FANCL: variants seen among roughly 807,000 people sequenced by gnomAD.
The protein encoded by FANCL is FA complementation group L, also known as E3 ubiquitin-protein ligase FANCL.
A neutral mutation model predicts 59.4 loss-of-function variants in FANCL; 69 were observed. The observed-to-expected ratio is 1.16, with a 90% CI of 0.96 to 1.42. The LOEUF (loss-of-function observed/expected upper bound fraction) is 1.42. Among genes scored for constraint, FANCL ranks in the 40% most tolerant of loss-of-function variants. The pLI is 0.00. For missense variants in FANCL, 519 were observed against 447.2 expected, an observed-to-expected ratio of 1.16 and a Z score of -1.45; for synonymous variants, 180 against 147.1, an observed-to-expected ratio of 1.22 and a Z score of -1.62.
At position 58,226,898 on chromosome 2, in the gene FANCL, A is replaced by ATCTGAAAACTATAAGAAATGAAGTATCGG. The variant is rs1396104433; in HGVS notation, c.217-143_217-115dup. ...TGAAAAAAAGATTAGCTATATCTAC[A>ATCTGAAAACTATAAGAAATGAAGTATCGG]TCTGAAAACTATAAGAAATGAAGTA... On this transcript the variant is annotated intron_variant, in intron 3 of 13. Transcript: ENST00000233741. The ATCTGAAAACTATAAGAAATGAAGTATCGG allele has an allele frequency of 7.9e-5, 65 of 820,126 alleles. 1 individual carries two copies. The highest frequency in any genetic ancestry group is 1.2e-4 in the Non-Finnish European group (62 of 497,012). The allele number at this position is 820,126 out of a possible 1,614,324, so 50.8% of individuals were successfully genotyped here.
intron 5 of FANCL, among the ~76,000 whole-genome samples, chr2:58,217,226 A>ATG: frequency 2.5e-5 from 1 of 39,316 alleles, no homozygotes; most frequent in Middle Eastern, 0.016. Context: ...ACACACACAC[A>ATG]CACACACACA....
At chr2:58,166,988 C>G (rs576599136) in intron 7 of FANCL, among the ~76,000 whole-genome samples, 1 of 152,272 alleles carries the variant, frequency 6.6e-6, no homozygotes, top group Non-Finnish European at 1.5e-5. Flanking sequence ...CTGAGGTGCG[C>G]AGATCACGAG....
chr2:58,235,206 T>C (rs1693906588), intron 1 of FANCL, among the ~76,000 whole-genome samples: 1 of 151,910 alleles, frequency 6.6e-6, no homozygotes, highest in Non-Finnish European at 1.5e-5. Context: ...CGCCAGCGAA[T>C]TTCAGAGGAT....
chr2:58,240,967 GGA>G (rs1374664649), intron 1 of FANCL, among the ~76,000 whole-genome samples: 1 of 152,182 alleles, frequency 6.6e-6, no homozygotes, highest in Non-Finnish European at 1.5e-5. Context: ...GAAGGGCTAG[GGA>G]GAGAGGAGGC....
chr2:58,180,251 T>C (rs1281949036), intron 7 of FANCL, among the ~76,000 whole-genome samples: 1 of 152,128 alleles, frequency 6.6e-6, no homozygotes, highest in Admixed American at 6.6e-5. Flanking sequence ...TAAATCATGC[T>C]ACTATAAAGA....
chr2:58,193,301 A>G (rs1247593299), intron 7 of FANCL, among the ~76,000 whole-genome samples: 2 of 152,120 alleles, frequency 1.3e-5, no homozygotes, highest in African/African-American at 2.4e-5. Context: ...TTATACAATG[A>G]CACCTCAATA....
At chr2:58,205,588 T>C (rs535733052) in intron 5 of FANCL, among the ~76,000 whole-genome samples, 18 of 152,162 alleles carry the variant, frequency 1.2e-4, no homozygotes, top group African/African-American at 3.6e-4. Flanking sequence ...CCAGAAAAAT[T>C]AATCATTTAA....
intron 5 of FANCL, among the ~76,000 whole-genome samples, chr2:58,214,561 T>A (rs1691513960): frequency 6.6e-6 from 1 of 152,178 alleles, no homozygotes; most frequent in African/African-American, 2.4e-5. Context: ...TAGACTGAAG[T>A]GCAGTGGTGT....
intron 7 of FANCL, among the ~76,000 whole-genome samples, chr2:58,191,673 G>C (rs1051422377): frequency 6.6e-6 from 1 of 151,664 alleles, no homozygotes; most frequent in Admixed American, 6.6e-5. Context: ...TCAATATATA[G>C]ATAATAATTG....
At chr2:58,168,475 G>A (rs1047360738) in intron 7 of FANCL, among the ~76,000 whole-genome samples, 1 of 152,116 alleles carries the variant, frequency 6.6e-6, no homozygotes, top group Non-Finnish European at 1.5e-5. Context: ...TCCCTCTGGT[G>A]CCTATTTCAC....
At chr2:58,226,809 T>TTTCA (rs1693051647) in intron 3 of FANCL, 25 bp from the exon 4 acceptor site, 1 of 1,589,244 alleles carries the variant, frequency 6.3e-7, no homozygotes, top group African/African-American at 1.3e-5. Context: ...TTCCAATTAA[T>TTTCA]TTCATTTGCA....
At chr2:58,207,049 G>A (rs1479412027) in intron 5 of FANCL, among the ~76,000 whole-genome samples, 1 of 152,160 alleles carries the variant, frequency 6.6e-6, no homozygotes, top group Non-Finnish European at 1.5e-5. Flanking sequence ...CACCCAGCTA[G>A]TGACTTGTCC....
intron 6 of FANCL, among the ~76,000 whole-genome samples, chr2:58,200,621 C>G (rs1400132117): frequency 6.6e-6 from 1 of 151,812 alleles, no homozygotes; most frequent in African/African-American, 2.4e-5. Context: ...AGTAAAGTAT[C>G]TGTGGCCCCA....
chr2:58,235,780 G>T (rs926457415), intron 1 of FANCL, among the ~76,000 whole-genome samples: 1 of 151,968 alleles, frequency 6.6e-6, no homozygotes, highest in Non-Finnish European at 1.5e-5. Flanking sequence ...AGGAAAACAT[G>T]AGCGTACTAA....
chr2:58,164,722 A>T (rs74561078), intron 8 of FANCL, among the ~76,000 whole-genome samples: 6,655 of 152,092 alleles, frequency 0.044, 198 homozygotes, highest in Non-Finnish European at 0.067. Context: ...ATAATGATTT[A>T]CTACATTTCT....
intron 5 of FANCL, 133 bp from the exon 6 acceptor site, chr2:58,204,359 G>A: frequency 1.3e-6 from 1 of 745,922 alleles, no homozygotes. Flanking sequence ...AGCAATTTCT[G>A]CATGCCAACC....
At chr2:58,174,034 C>A (rs1212252877) in intron 7 of FANCL, among the ~76,000 whole-genome samples, 2 of 151,888 alleles carry the variant, frequency 1.3e-5, no homozygotes, top group South Asian at 2.1e-4. Flanking sequence ...TCAAAAGAGA[C>A]AAAGAAGGCC....
chr2:58,177,437 A>T (rs1687451478), intron 7 of FANCL, among the ~76,000 whole-genome samples: 1 of 152,112 alleles, frequency 6.6e-6, no homozygotes, highest in Non-Finnish European at 1.5e-5. Context: ...TACACCATGG[A>T]ATACTATGCA....
At chr2:58,166,248 AT>A in intron 7 of FANCL, among the ~76,000 whole-genome samples, 1 of 152,328 alleles carries the variant, frequency 6.6e-6, no homozygotes, top group African/African-American at 2.4e-5. Context: ...TGTCTATAAT[AT>A]TTTAGTATGA....
Sources: gnomAD v4.1 joint callset for allele counts (sites outside exome capture counted in the v4.1 genomes callset) on GRCh38, gnomAD v4.1.1 for gene constraint, MANE v1.5 for transcripts, NCBI Gene and HGNC (gene_info 2026-07-23, HGNC 2026-07-21) for gene names.